The following RABGAP1L variants were observed in gnomAD, a reference collection of about 807,000 sequenced individuals.
RABGAP1L encodes the protein rab GTPase-activating protein 1-like.
RABGAP1L carries 63 observed loss-of-function variants against 137.7 expected under a neutral mutation model. That is an observed-to-expected ratio of 0.46 (90% CI 0.37 to 0.56). The LOEUF (loss-of-function observed/expected upper bound fraction) is 0.56. RABGAP1L is among the 20% of genes least tolerant of loss of function. The pLI is 0.00. For missense variants in RABGAP1L, 1,095 were observed against 1,244.0 expected, an observed-to-expected ratio of 0.88 and a Z score of 1.80; for synonymous variants, 431 against 433.7, an observed-to-expected ratio of 0.99 and a Z score of 0.08.
chr1:174,843,496 C>T (rs1315037241), intron 19 of RABGAP1L, among the ~76,000 whole-genome samples: 49 of 145,714 alleles, frequency 3.4e-4, no homozygotes, highest in Non-Finnish European at 6.5e-4. Context: ...TTTGTTCTTG[C>T]GATAGTTTAC....
At chr1:174,226,580 A>G (rs1670197838) in intron 3 of RABGAP1L, among the ~76,000 whole-genome samples, 3 of 152,152 alleles carry the variant, frequency 2.0e-5, no homozygotes, top group Non-Finnish European at 4.4e-5. Context: ...GCTGTTTTGA[A>G]GTTCTGCTAT....
At position 174,475,576 on chromosome 1, in the gene RABGAP1L, G is replaced by A. The variant is rs1558265768; in HGVS notation, c.1710+81431G>A. Among the ~76,000 whole-genome samples the A allele has an allele frequency of 2.0e-5, 3 of 152,022 alleles. No individual in the cohort carries two copies. The South Asian group carries it at 6.2e-4, about 32-fold the overall frequency. ...ACTTTTGTAGGTAAATAGGTTTATT[G>A]AATTTGAAAGGATGCCAAGCAAGGA... On this transcript the variant is annotated intron_variant, in intron 13 of 25. Transcript: ENST00000681986.
intron 19 of RABGAP1L, chr1:174,948,966 A>G (rs1027152418): frequency 1.3e-5 from 2 of 152,230 alleles, no homozygotes; most frequent in African/African-American, 4.8e-5. Context: ...AATAAGCACA[A>G]ATATTTTTTA....
At chr1:174,683,747 G>A (rs1411097010) in intron 15 of RABGAP1L, 151 bp downstream of exon 15, 2 of 530,152 alleles carry the variant, frequency 3.8e-6, no homozygotes, top group Non-Finnish European at 6.5e-6. Flanking sequence ...GATAAAGTAA[G>A]AGATATGATG....
intron 18 of RABGAP1L, among the ~76,000 whole-genome samples, chr1:174,758,321 T>C (rs1573054339): frequency 2.0e-5 from 3 of 152,272 alleles, no homozygotes; most frequent in South Asian, 4.2e-4. Context: ...CTTGGAGTTC[T>C]ACAGATCTCC....
At chr1:174,392,341 C>T (rs553730081) in intron 12 of RABGAP1L, among the ~76,000 whole-genome samples, 13 of 152,168 alleles carry the variant, frequency 8.5e-5, no homozygotes, top group South Asian at 2.1e-4. Context: ...TTCAAAATAG[C>T]GGTTATGGAG....
chr1:174,195,785 T>TTTTCTTTC (rs201234883), intron 1 of RABGAP1L, among the ~76,000 whole-genome samples: 7,355 of 112,260 alleles, frequency 0.066, 374 homozygotes, highest in Middle Eastern at 0.11. Flanking sequence ...CCTTTCTTTC[T>TTTTCTTTC]TTTCTTTCTT....
At position 174,900,583 on chromosome 1, in the gene RABGAP1L, A is replaced by G. The variant is rs945293919; in HGVS notation, c.2341-56874A>G. ...CTTTCACTTGATATAATTTTAGGAC[A>G]TTAGTGTGGATCGGGCTTGTGTTCC... On this transcript the variant is annotated intron_variant, in intron 19 of 25. Transcript: ENST00000681986. Among the ~76,000 whole-genome samples the G allele has an allele frequency of 5.9e-5, 9 of 152,312 alleles. No homozygotes were observed. In the East Asian group the frequency reaches 1.7e-3, roughly 29 times the overall value.
chr1:174,766,325 A>G (rs928699596), intron 18 of RABGAP1L, among the ~76,000 whole-genome samples: 17 of 152,312 alleles, frequency 1.1e-4, no homozygotes, highest in African/African-American at 3.8e-4. Flanking sequence ...GCACATGGCT[A>G]TCTACTTGTC....
At chr1:174,843,178 C>T (rs1693612955) in intron 19 of RABGAP1L, among the ~76,000 whole-genome samples, 1 of 150,606 alleles carries the variant, frequency 6.6e-6, no homozygotes, top group Non-Finnish European at 1.5e-5. Context: ...TACTGTTAGT[C>T]TACCTCACTA....
At chr1:174,615,067 T>A (rs989676344) in intron 13 of RABGAP1L, among the ~76,000 whole-genome samples, 4 of 152,244 alleles carry the variant, frequency 2.6e-5, no homozygotes, top group Admixed American at 6.5e-5. Context: ...TGAAGCCTTC[T>A]TCTCTCAACT....
At chr1:174,531,946 A>G (rs1362439350) in intron 13 of RABGAP1L, among the ~76,000 whole-genome samples, 1 of 152,178 alleles carries the variant, frequency 6.6e-6, no homozygotes, top group Non-Finnish European at 1.5e-5. Flanking sequence ...TTTTATACCT[A>G]GCAAAATTAC....
chr1:174,453,294 G>C lies in RABGAP1L; in HGVS notation c.1710+59149G>C, dbSNP rs138497127. Among the ~76,000 whole-genome samples the C allele has an allele frequency of 3.0e-3, 458 of 152,260 alleles. No homozygotes were observed. The Middle Eastern group carries it at 0.031, about 10-fold the overall frequency. On this transcript the variant is annotated intron_variant, in intron 13 of 25. Transcript: ENST00000681986. ...CTCATTTATTAAAATGGGATTTGAA[G>C]TATTTTGTCATATATCTATTTCTTG... is the stretch of plus-strand genomic sequence containing the variant.
chr1:174,807,762 A>G (rs1296936599), intron 18 of RABGAP1L, among the ~76,000 whole-genome samples: 1 of 152,148 alleles, frequency 6.6e-6, no homozygotes. Flanking sequence ...TAAGAAAAAT[A>G]TAAGTTCTTC....
chr1:174,315,860 C>T (rs1679330784), intron 11 of RABGAP1L, among the ~76,000 whole-genome samples: 1 of 152,086 alleles, frequency 6.6e-6, no homozygotes, highest in African/African-American at 2.4e-5. Flanking sequence ...TCTTTAAGGC[C>T]AATAATGCTT....
chr1:174,990,013 C>A lies in RABGAP1L; in HGVS notation c.*12C>A. ...AGGAGAGCACATAGTTCCAGCCTTA[C>A]CCAAGCACAAGAGCACAATGTTCAA... On this transcript the variant is annotated 3_prime_UTR_variant, in exon 26 of 26. Coordinates refer to ENST00000681986, the MANE Select transcript of RABGAP1L (RefSeq NM_001366446.1). 2 of 1,527,068 alleles carry A rather than the reference C, an allele frequency of 1.3e-6. No individual in the cohort carries two copies. The highest frequency in any genetic ancestry group is 1.4e-5 in the African/African-American group (1 of 72,588). The allele number at this position is 1,527,068 out of a possible 1,614,324, so 94.6% of individuals were successfully genotyped here.
intron 7 of RABGAP1L, among the ~76,000 whole-genome samples, chr1:174,261,516 G>T (rs559412971): frequency 1.3e-5 from 2 of 152,088 alleles, no homozygotes; most frequent in East Asian, 1.9e-4. Context: ...ACCTTTCCTT[G>T]TGTTATTTTC....
intron 14 of RABGAP1L, among the ~76,000 whole-genome samples, chr1:174,665,100 A>T (rs1332021154): frequency 1.3e-5 from 2 of 152,136 alleles, no homozygotes; most frequent in Non-Finnish European, 2.9e-5. Context: ...TAGTCATGAA[A>T]TGCAGATTAA....
chr1:174,195,680 C>CTTT (rs1667563651), intron 1 of RABGAP1L, among the ~76,000 whole-genome samples: 1 of 101,910 alleles, frequency 9.8e-6, no homozygotes. Flanking sequence ...TTCCTTCTTT[C>CTTT]CTTCTTTCCT....
Sources: gnomAD v4.1 joint callset for allele counts (sites outside exome capture counted in the v4.1 genomes callset) on GRCh38, gnomAD v4.1.1 for gene constraint, MANE v1.5 for transcripts, NCBI Gene and HGNC (gene_info 2026-07-23, HGNC 2026-07-21) for gene names.